The following RDX variants were observed in gnomAD, a reference collection of about 807,000 sequenced individuals.
The protein encoded by RDX is deafness, autosomal recessive 24.
In RDX, 32 loss-of-function variants were observed where a neutral mutation model predicts 83.7. The observed-to-expected ratio is 0.38, with a 90% CI of 0.29 to 0.51. The LOEUF is 0.51. Among genes scored for constraint, RDX ranks in the 20% least tolerant of loss-of-function variants. RDX has a pLI of 0.87. For synonymous variants in RDX, 229 were observed against 222.7 expected, an observed-to-expected ratio of 1.03 and a Z score of -0.25; for missense variants, 600 against 689.9, an observed-to-expected ratio of 0.87 and a Z score of 1.46.
rs912790215 is a variant in RDX, at chr11:110,262,583, A to G, written c.467+1377T>C. 1.5e-3 allele frequency among the ~76,000 whole-genome samples: 162 copies of G among 107,378 alleles called. 2 individuals are homozygous for G. The highest frequency in any genetic ancestry group is 2.6e-3 in the Non-Finnish European group (137 of 52,124). 70.4% of individuals were successfully genotyped at this position (107,378 alleles called of 152,430 possible). A position where few individuals can be genotyped will look rare whatever the true frequency, so the allele number is the denominator to read the frequency against. ...AGCCTGGGCAACAGAGCAAGACTCC[A>G]TCTCAAAGAAAAAAAAAAAAAATTA... On this transcript the variant is annotated intron_variant, in intron 5 of 13. Coordinates refer to ENST00000645495, the MANE Select transcript of RDX (RefSeq NM_002906.4).
chr11:110,176,627 A>G (rs944453703), intron 15 of RDX, among the ~76,000 whole-genome samples: 1 of 152,130 alleles, frequency 6.6e-6, no homozygotes, highest in Non-Finnish European at 1.5e-5. Flanking sequence ...TAATATACAG[A>G]CTTGTGATAC....
intron 11 of RDX, 186 bp from the exon 12 acceptor site, chr11:110,236,377 G>C (rs879561603): frequency 3.2e-4 from 176 of 548,032 alleles, no homozygotes; most frequent in Non-Finnish European, 1.8e-4. Context: ...AATGAGCTAA[G>C]GAGACAAAAT....
chr11:110,285,261 T>C (rs949478746), intron 1 of RDX, among the ~76,000 whole-genome samples: 2 of 151,816 alleles, frequency 1.3e-5, no homozygotes, highest in Admixed American at 6.6e-5. Context: ...GGTGTGTGCC[T>C]GTAATCTCAG....
chr11:110,273,466 T>C (rs1487931487), intron 2 of RDX, among the ~76,000 whole-genome samples: 1 of 152,220 alleles, frequency 6.6e-6, no homozygotes, highest in Non-Finnish European at 1.5e-5. Context: ...GCACTGGCCA[T>C]TCATGCGTGC....
intron 4 of RDX, 115 bp from the exon 5 acceptor site, chr11:110,264,349 G>A (rs1371203923): frequency 1.4e-6 from 1 of 729,746 alleles, no homozygotes; most frequent in South Asian, 1.9e-5. Flanking sequence ...CTAAATCTAT[G>A]AAGATTTTAG....
At chr11:110,223,346 C>A (rs1864320003) in intron 14 of RDX, among the ~76,000 whole-genome samples, 1 of 151,878 alleles carries the variant, frequency 6.6e-6, no homozygotes, top group Non-Finnish European at 1.5e-5. Context: ...GAGCGAGACT[C>A]CATCTCAAAA....
chr11:110,241,765 A>G (rs1463670842), intron 10 of RDX, among the ~76,000 whole-genome samples: 1 of 152,246 alleles, frequency 6.6e-6, no homozygotes, highest in Non-Finnish European at 1.5e-5. Flanking sequence ...AGTATTATTC[A>G]CAATAACTAA....
intron 15 of RDX, among the ~76,000 whole-genome samples, chr11:110,180,574 T>C (rs1280995927): frequency 6.6e-6 from 1 of 152,130 alleles, no homozygotes; most frequent in Non-Finnish European, 1.5e-5. Flanking sequence ...GTTCCTCTAG[T>C]TCTGCTCTGT....
intron 1 of RDX, among the ~76,000 whole-genome samples, chr11:110,284,578 T>C (rs1375666605): frequency 6.6e-6 from 1 of 151,782 alleles, no homozygotes; most frequent in African/African-American, 2.4e-5. Flanking sequence ...TGGAGTGCAG[T>C]GGCGCGATAT....
chr11:110,237,137 T>G lies in RDX; in HGVS notation c.1251+355A>C, dbSNP rs187691282. 9.1e-4 allele frequency among the ~76,000 whole-genome samples: 136 copies of G among 149,376 alleles called. 1 individual carries two copies. The highest frequency in any genetic ancestry group is 3.0e-3 in the African/African-American group (125 of 41,054). On this transcript the variant is annotated intron_variant, in intron 11 of 13. Coordinates refer to ENST00000645495, the MANE Select transcript of RDX (RefSeq NM_002906.4). ...ATATCTATAATATATTATATAACTA[T>G]AACATATATCTATATTATATAACTA...
intron 10 of RDX, among the ~76,000 whole-genome samples, chr11:110,239,291 A>AT (rs1242208875): frequency 1.3e-5 from 2 of 152,230 alleles, no homozygotes; most frequent in South Asian, 2.1e-4. Flanking sequence ...CTAGGCAAAG[A>AT]TTTTTTGTGT....
chr11:110,199,845 ACCTCTTTTTTTTTC>A (rs989575995), intron 14 of RDX, among the ~76,000 whole-genome samples: 10 of 151,684 alleles, frequency 6.6e-5, no homozygotes, highest in African/African-American at 1.9e-4. Context: ...CTAATCTTTA[ACCTCTTTTTTTTTC>A]CAGTCCACCT....
chr11:110,233,266 T>C lies in RDX; in HGVS notation c.1558A>G (p.Lys520Glu). ...AGTTGCTTCTTAACACGCTCATTTT[T>C]CTGTGTTTCGGTTACACGTTCTTCC... ...SEEERVTETQKNERVKKQLQA... is the reference protein window; with the variant it reads ...SEEERVTETQENERVKKQLQA... Residue 520 changes from lysine (K) to glutamate (E), a missense_variant, in exon 13 of 14, where the codon AAA (lysine) becomes GAA (glutamate). Coordinates refer to ENST00000645495, the MANE Select transcript of RDX (RefSeq NM_002906.4). The C allele has an allele frequency of 6.2e-6, 10 of 1,613,732 alleles. No individual in the cohort carries two copies. Among genetic ancestry groups the C allele is most frequent in the Non-Finnish European group, 8.5e-6 (10 of 1,179,984 alleles).
In RDX at chr11:110,234,683, G is replaced by T. The variant is rs541308530; in HGVS notation, c.1345-1204C>A. 4.6e-5 allele frequency among the ~76,000 whole-genome samples: 7 copies of T among 152,132 alleles called. No homozygotes were observed. In the East Asian group the frequency reaches 1.4e-3, roughly 29 times the overall value. Reference sequence around the variant, plus strand: ...AATTTCATAAATCATCCCTAAAAGGGATCTAAAAAATTCTAATAAACAAGT... The same window carrying T: ...AATTTCATAAATCATCCCTAAAAGGTATCTAAAAAATTCTAATAAACAAGT... On this transcript the variant is annotated intron_variant, in intron 12 of 13. Coordinates refer to ENST00000645495, the MANE Select transcript of RDX (RefSeq NM_002906.4).
intron 8 of RDX, among the ~76,000 whole-genome samples, chr11:110,254,868 TAAA>T (rs1859480564): frequency 6.6e-6 from 1 of 152,140 alleles, no homozygotes; most frequent in African/African-American, 2.4e-5. Context: ...TCTATTTAAA[TAAA>T]AAGATTTCTT....
chr11:110,274,189 T>C (rs990704112), intron 2 of RDX, among the ~76,000 whole-genome samples: 1 of 152,198 alleles, frequency 6.6e-6, no homozygotes, highest in South Asian at 2.1e-4. Flanking sequence ...ATCTATCATA[T>C]ATAAACAATG....
At chr11:110,228,500 T>C (rs776734635), downstream of RDX, among the ~76,000 whole-genome samples, 7 of 152,092 alleles carry the variant, frequency 4.6e-5, no homozygotes, top group Non-Finnish European at 8.8e-5. Context: ...GTATCTAAGC[T>C]TTGGTTTACT....
intron 14 of RDX, among the ~76,000 whole-genome samples, chr11:110,201,073 GGCT>G (rs1387529416): frequency 6.6e-6 from 1 of 151,628 alleles, no homozygotes; most frequent in Admixed American, 6.6e-5. Flanking sequence ...CTACTCAGGA[GGCT>G]GAGGTAGGAG....
At chr11:110,235,887 G>A (rs898764344) in intron 12 of RDX, among the ~76,000 whole-genome samples, 3 of 152,076 alleles carry the variant, frequency 2.0e-5, no homozygotes, top group South Asian at 2.1e-4. Flanking sequence ...TGGGTCTCCC[G>A]ACAACTCTCT....
Sources: gnomAD v4.1 joint callset for allele counts (sites outside exome capture counted in the v4.1 genomes callset) on GRCh38, gnomAD v4.1.1 for gene constraint, MANE v1.5 for transcripts, NCBI Gene and HGNC (gene_info 2026-07-23, HGNC 2026-07-21) for gene names.